Variants in ANO3 observed in about 807,000 individuals in gnomAD.
The protein encoded by ANO3 is anoctamin 3, also known as anoctamin-3.
Under a neutral mutation model 144.8 loss-of-function variants are expected in ANO3, and 99 were observed. The observed-to-expected ratio is 0.68, with a 90% CI of 0.58 to 0.81. The LOEUF (loss-of-function observed/expected upper bound fraction) is 0.81, where lower values mean the gene tolerates loss of function less well. Among genes scored for constraint, ANO3 ranks in the 30% least tolerant of loss-of-function variants. The pLI, the probability that ANO3 is intolerant of heterozygous loss-of-function variation, is 0.00. For missense variants in ANO3, 905 were observed against 1,202.2 expected (o/e 0.75, Z 3.66); for synonymous variants, 414 against 392.6 (o/e 1.05, Z -0.64).
intron 10 of ANO3, 152 bp downstream of exon 10, chr11:26,537,613 G>A: frequency 1.4e-6 from 1 of 703,806 alleles, no homozygotes. Flanking sequence ...GTAATTTTGT[G>A]GCTGTGCACT....
intron 14 of ANO3, among the ~76,000 whole-genome samples, chr11:26,569,401 G>A (rs1226095948): frequency 6.6e-6 from 1 of 152,060 alleles, no homozygotes; most frequent in Non-Finnish European, 1.5e-5. Flanking sequence ...AAGACGGATT[G>A]TCCTGACATT....
At position 26,627,423 on chromosome 11, in the gene ANO3, T is replaced by C. The variant is rs1590650123; in HGVS notation, c.1873+2925T>C. Among the ~76,000 whole-genome samples the C allele has an allele frequency of 7.2e-5, 11 of 152,112 alleles. No individual in the cohort carries two copies. The South Asian group carries it at 1.9e-3, about 26-fold the overall frequency. ...AATAATAGTTCCTATTTCACCATTG[T>C]TGTAGATTGGCTGCCTGACACATGA... On this transcript the variant is annotated intron_variant, in intron 18 of 26. Transcript: ENST00000256737.
intron 11 of ANO3, among the ~76,000 whole-genome samples, chr11:26,542,483 G>A (rs1565092465): frequency 1.3e-5 from 2 of 151,968 alleles, no homozygotes; most frequent in South Asian, 2.1e-4. Flanking sequence ...CTACCTTTGA[G>A]TGGTCTAGTA....
intron 4 of ANO3, among the ~76,000 whole-genome samples, chr11:26,504,944 G>A (rs293948): frequency 0.23 from 33,477 of 146,744 alleles, 3,930 homozygotes; most frequent in South Asian, 0.33. Flanking sequence ...CCCTGGAGGC[G>A]GAGCTTGCAG....
Position 26,661,260 on chromosome 11 carries a change from C to T in ANO3, c.*816C>T, listed in dbSNP as rs914795674. On this transcript the variant is annotated 3_prime_UTR_variant, in exon 27 of 27. Transcript: ENST00000256737. ...TAGTTTAGAACACAACTAATCCATA[C>T]TTTATTGTGGAAGGCTGTTTTATAG... The T allele has an allele frequency of 6.6e-6, 1 of 152,568 alleles. No individual in the cohort carries two copies. Among genetic ancestry groups the T allele is most frequent in the Non-Finnish European group, 1.5e-5 (1 of 68,030 alleles). 9.5% of individuals were successfully genotyped at this position (152,568 alleles called of 1,614,324 possible).
intron 1 of ANO3, among the ~76,000 whole-genome samples, chr11:26,340,925 C>G (rs1855340331): frequency 6.6e-6 from 1 of 152,114 alleles, no homozygotes; most frequent in South Asian, 2.1e-4. Flanking sequence ...AGTTATTAGA[C>G]TTGTAGGGGA....
intron 1 of ANO3, among the ~76,000 whole-genome samples, chr11:26,192,818 A>T (rs1851503762): frequency 6.6e-6 from 1 of 152,138 alleles, no homozygotes; most frequent in South Asian, 2.1e-4. Context: ...ATTACTTGAA[A>T]ATTAAGTTTA....
At chr11:26,525,760 G>A in intron 7 of ANO3, 81 bp downstream of exon 7, 3 of 1,062,588 alleles carry the variant, frequency 2.8e-6, no homozygotes, top group Non-Finnish European at 4.1e-6. Flanking sequence ...CCCCATATCA[G>A]CAGTTGTAAA....
chr11:26,626,143 T>A (rs1352795279), intron 18 of ANO3, among the ~76,000 whole-genome samples: 2 of 152,240 alleles, frequency 1.3e-5, no homozygotes, highest in African/African-American at 4.8e-5. Flanking sequence ...TACTCTAGAA[T>A]AATTTTGAAT....
intron 1 of ANO3, among the ~76,000 whole-genome samples, chr11:26,389,219 A>G (rs1303922236): frequency 6.6e-6 from 1 of 152,144 alleles, no homozygotes; most frequent in Non-Finnish European, 1.5e-5. Context: ...TGTGGAAACA[A>G]AACAGTATAG....
intron 1 of ANO3, among the ~76,000 whole-genome samples, chr11:26,293,797 C>T (rs1422841917): frequency 6.6e-6 from 1 of 151,810 alleles, no homozygotes; most frequent in East Asian, 1.9e-4. Flanking sequence ...TTGTGCTTTG[C>T]ATATGCTTTT....
intron 13 of ANO3, 160 bp from the exon 14 acceptor site, chr11:26,559,559 G>A: frequency 1.7e-6 from 1 of 584,536 alleles, no homozygotes; most frequent in Admixed American, 2.8e-5. Flanking sequence ...ATGTGAAATT[G>A]TTGCAAGACC....
At chr11:26,428,129 G>A (rs902894288) in intron 1 of ANO3, among the ~76,000 whole-genome samples, 2 of 152,110 alleles carry the variant, frequency 1.3e-5, no homozygotes, top group African/African-American at 4.8e-5. Flanking sequence ...GAAAGTAATT[G>A]TTAGGTATTG....
At chr11:26,594,595 T>C (rs1565129877) in intron 14 of ANO3, among the ~76,000 whole-genome samples, 1 of 152,098 alleles carries the variant, frequency 6.6e-6, no homozygotes, top group Non-Finnish European at 1.5e-5. Flanking sequence ...GGAGGGGGCG[T>C]AATCGGGTAA....
chr11:26,626,060 A>C (rs1473338840), intron 18 of ANO3, among the ~76,000 whole-genome samples: 4 of 152,194 alleles, frequency 2.6e-5, no homozygotes, highest in Non-Finnish European at 5.9e-5. Context: ...CAGCATTGTT[A>C]CTGAGAGCTC....
chr11:26,618,164 C>T (rs1280704567), intron 17 of ANO3, among the ~76,000 whole-genome samples: 1 of 152,006 alleles, frequency 6.6e-6, no homozygotes, highest in Non-Finnish European at 1.5e-5. Context: ...CAAATATAAT[C>T]CATGTACATG....
intron 11 of ANO3, among the ~76,000 whole-genome samples, chr11:26,546,720 G>A (rs1005113744): frequency 2.0e-5 from 3 of 151,922 alleles, no homozygotes; most frequent in Non-Finnish European, 4.4e-5. Flanking sequence ...CAACTAGAGG[G>A]GAATTAAACG....
intron 14 of ANO3, chr11:26,572,325 T>C: frequency 3.7e-6 from 3 of 807,334 alleles, no homozygotes; most frequent in Non-Finnish European, 4.5e-6. Context: ...CCAGTTTTCA[T>C]AGGTTGATCG....
chr11:26,529,995 C>T (rs1849323264), intron 7 of ANO3, among the ~76,000 whole-genome samples: 1 of 152,006 alleles, frequency 6.6e-6, no homozygotes, highest in Non-Finnish European at 1.5e-5. Context: ...TATGAGTGTC[C>T]CTTAGCAGCT....
Sources: gnomAD v4.1 joint callset for allele counts (sites outside exome capture counted in the v4.1 genomes callset) on GRCh38, gnomAD v4.1.1 for gene constraint, MANE v1.5 for transcripts, NCBI Gene and HGNC (gene_info 2026-07-23, HGNC 2026-07-21) for gene names.